SEC14L2: variants seen among roughly 807,000 people sequenced by gnomAD.
The protein encoded by SEC14L2 is SEC14 like lipid binding 2.
A neutral mutation model predicts 56.9 loss-of-function variants in SEC14L2; 50 were observed. The observed-to-expected ratio is 0.88, with a 90% CI of 0.70 to 1.11. The LOEUF (loss-of-function observed/expected upper bound fraction) is 1.11. SEC14L2 is among the 50% of genes most tolerant of loss of function. The pLI is 0.00. For synonymous variants in SEC14L2, 179 were observed against 188.5 expected (o/e 0.95, Z 0.41); for missense variants, 414 against 500.7 (o/e 0.83, Z 1.65).
intron 2 of SEC14L2, among the ~76,000 whole-genome samples, chr22:30,400,888 C>A (rs1933908254): frequency 1.1e-5 from 1 of 95,180 alleles, no homozygotes; most frequent in African/African-American, 4.5e-5. Flanking sequence ...GAGGGAGACT[C>A]CGTCTCAAAA....
chr22:30,415,432 CA>C (rs1876184502), intron 8 of SEC14L2, among the ~76,000 whole-genome samples: 1 of 152,184 alleles, frequency 6.6e-6, no homozygotes, highest in South Asian at 2.1e-4. Context: ...GACTCTGTCT[CA>C]AACAGAAAAG....
At chr22:30,407,868 C>A (rs1476298799) in intron 5 of SEC14L2, among the ~76,000 whole-genome samples, 1 of 152,056 alleles carries the variant, frequency 6.6e-6, no homozygotes, top group Non-Finnish European at 1.5e-5. Flanking sequence ...TGGACCTGGC[C>A]GAGGCCCAGG....
intron 1 of SEC14L2, among the ~76,000 whole-genome samples, chr22:30,399,381 G>A (rs989881782): frequency 2.0e-5 from 3 of 151,942 alleles, no homozygotes; most frequent in African/African-American, 4.8e-5. Flanking sequence ...CAGGCGTGTT[G>A]GCAGGCCCCT....
chr22:30,409,096 TG>T, intron 5 of SEC14L2, 90 bp from the exon 6 acceptor site: 1 of 1,130,354 alleles, frequency 8.8e-7, no homozygotes, highest in Non-Finnish European at 1.4e-6. Context: ...GATTGCTCTC[TG>T]GATGCACAGT....
intron 8 of SEC14L2, among the ~76,000 whole-genome samples, chr22:30,414,019 C>T (rs1000135396): frequency 3.3e-5 from 5 of 151,984 alleles, no homozygotes; most frequent in African/African-American, 1.2e-4. Context: ...TTGGTAGAGA[C>T]GGGAGCTCAC....
rs1321487575 is a variant in SEC14L2, at chr22:30,407,733, T to C, written c.423+130T>C. The C allele has an allele frequency of 7.7e-6, 6 of 781,284 alleles. No homozygotes were observed. The African/African-American group carries it at 8.9e-5, about 12-fold the overall frequency. 48.4% of individuals were successfully genotyped at this position (781,284 alleles called of 1,614,324 possible). On this transcript the variant is annotated intron_variant, in intron 5 of 11. Transcript: ENST00000615189. The stretch of plus-strand genomic sequence containing the variant: ...CCAGCCTTTTTTTTTTTTTTTTTAA[T>C]TTTTAAAACTTTTTTAGTAGAGACG...
intron 2 of SEC14L2, among the ~76,000 whole-genome samples, chr22:30,402,003 A>T (rs1486297956): frequency 6.6e-6 from 1 of 152,142 alleles, no homozygotes; most frequent in East Asian, 1.9e-4. Flanking sequence ...CAGAGCTGGC[A>T]CGCTCCTGAG....
At chr22:30,408,949 C>A in intron 5 of SEC14L2, 3 of 585,942 alleles carry the variant, frequency 5.1e-6, no homozygotes, top group Non-Finnish European at 6.3e-6. Flanking sequence ...TCTCAGATGT[C>A]ATCTAGATCC....
At position 30,422,799 on chromosome 22, in the gene SEC14L2, C is replaced by G. The variant is rs1934555818; in HGVS notation, c.*392C>G. The G allele has an allele frequency of 5.9e-6, 1 of 169,396 alleles. No individual in the cohort carries two copies. The highest frequency in any genetic ancestry group is 2.4e-5 in the African/African-American group (1 of 41,948). The allele number at this position is 169,396 out of a possible 1,614,324, so 10.5% of individuals were successfully genotyped here. On this transcript the variant is annotated 3_prime_UTR_variant, in exon 12 of 12. Transcript: ENST00000615189. Reference sequence around the variant, plus strand: ...GTCAGCTGCCGGGGAGAAACTTGCTCCTAAATGAACACATAAGTTTAGATC... The same window carrying G: ...GTCAGCTGCCGGGGAGAAACTTGCTGCTAAATGAACACATAAGTTTAGATC...
chr22:30,400,988 C>G (rs1177273718), intron 2 of SEC14L2, among the ~76,000 whole-genome samples: 1 of 144,400 alleles, frequency 6.9e-6, no homozygotes, highest in Admixed American at 6.9e-5. Context: ...AGGCTGGTCT[C>G]GAACTCCTGG....
At chr22:30,414,930 G>C (rs1934347282) in intron 8 of SEC14L2, among the ~76,000 whole-genome samples, 1 of 152,104 alleles carries the variant, frequency 6.6e-6, no homozygotes, top group Non-Finnish European at 1.5e-5. Flanking sequence ...GAAGGTGGGG[G>C]AAAGACACAT....
intron 2 of SEC14L2, among the ~76,000 whole-genome samples, chr22:30,402,146 G>A (rs2146009175): frequency 6.6e-6 from 1 of 152,264 alleles, no homozygotes; most frequent in Admixed American, 6.5e-5. Flanking sequence ...GAGGGGTAGT[G>A]TGGGGGCGGC....
chr22:30,422,168 T>A, intron 11 of SEC14L2, 109 bp from the exon 12 acceptor site: 1 of 1,384,294 alleles, frequency 7.2e-7, no homozygotes, highest in Non-Finnish European at 1.0e-6. Context: ...TTCATCCCCA[T>A]GACCTGCCAC....
chr22:30,409,112 T>C (rs762196108), intron 5 of SEC14L2, 75 bp from the exon 6 acceptor site: 1 of 1,273,168 alleles, frequency 7.9e-7, no homozygotes, highest in East Asian at 2.3e-5. Flanking sequence ...CACAGTGCAA[T>C]CATTTGGCCT....
At chr22:30,411,944 G>A (rs920177895) in intron 8 of SEC14L2, among the ~76,000 whole-genome samples, 1 of 152,164 alleles carries the variant, frequency 6.6e-6, no homozygotes, top group Non-Finnish European at 1.5e-5. Context: ...TATGGAATGA[G>A]TAAGAGTCTG....
chr22:30,399,058 T>A (rs1385408146), intron 1 of SEC14L2, among the ~76,000 whole-genome samples: 1 of 152,144 alleles, frequency 6.6e-6, no homozygotes, highest in Non-Finnish European at 1.5e-5. Flanking sequence ...TGGGAACACA[T>A]CTGCCTGCCC....
intron 11 of SEC14L2, chr22:30,420,614 C>T (rs1243285731): frequency 6.6e-6 from 1 of 152,134 alleles, no homozygotes; most frequent in Non-Finnish European, 1.5e-5. Flanking sequence ...TGAAAGACCT[C>T]TAGTACAGGG....
chr22:30,397,038 C>T lies in SEC14L2; in HGVS notation c.-79C>T. 2.3e-6 allele frequency: 3 copies of T among 1,306,960 alleles called. No homozygotes were observed. The highest frequency in any genetic ancestry group is 3.2e-6 in the Non-Finnish European group (3 of 931,416). The allele number at this position is 1,306,960 out of a possible 1,614,324, so 81.0% of individuals were successfully genotyped here. On this transcript the variant is annotated 5_prime_UTR_variant, in exon 1 of 12. Transcript: ENST00000615189. ...GCTGGGACTTTACTCCGGGTGGCGG[C>T]GAGGACGAGTCTGTGCTCCATCAGC...
At chr22:30,405,212 C>A (rs1336696597) in intron 2 of SEC14L2, among the ~76,000 whole-genome samples, 1 of 152,122 alleles carries the variant, frequency 6.6e-6, no homozygotes, top group East Asian at 1.9e-4. Context: ...TCAGACCAAG[C>A]TGTGGGGCTT....
Sources: gnomAD v4.1 joint callset for allele counts (sites outside exome capture counted in the v4.1 genomes callset) on GRCh38, gnomAD v4.1.1 for gene constraint, MANE v1.5 for transcripts, NCBI Gene and HGNC (gene_info 2026-07-23, HGNC 2026-07-21) for gene names.